Variants in PRKN observed in about 807,000 individuals in gnomAD.
The protein encoded by PRKN is E3 ubiquitin-protein ligase parkin.
In PRKN, 56 loss-of-function variants were observed where a neutral mutation model predicts 59.5. That is an observed-to-expected ratio of 0.94 (90% confidence interval 0.76 to 1.18). The LOEUF (loss-of-function observed/expected upper bound fraction) is 1.18. PRKN is among the 50% of genes most tolerant of loss of function. The pLI is 0.00. For synonymous variants in PRKN, 250 were observed against 222.1 expected, an observed-to-expected ratio of 1.13 and a Z score of -1.12; for missense variants, 657 against 596.4, an observed-to-expected ratio of 1.10 and a Z score of -1.06.
At chr6:161,872,494 T>G (rs558104136) in intron 6 of PRKN, among the ~76,000 whole-genome samples, 12 of 152,272 alleles carry the variant, frequency 7.9e-5, no homozygotes, top group African/African-American at 2.6e-4. Context: ...CAGACATACC[T>G]CATAGCCAGC....
intron 2 of PRKN, among the ~76,000 whole-genome samples, chr6:162,337,149 A>G (rs551057159): frequency 6.6e-6 from 1 of 152,198 alleles, no homozygotes; most frequent in Non-Finnish European, 1.5e-5. Context: ...CTTGAAAATA[A>G]CCACTTTTAG....
rs187027121 is a variant in PRKN at position 161,554,687 on chromosome 6, T to C, written c.934-5684A>G. On this transcript the variant is annotated intron_variant, in intron 8 of 11. Transcript: ENST00000366898. This position sits in a 1 kb window ranked among gnomAD's most constrained non-coding sequence, Gnocchi z 4.5. The stretch of plus-strand genomic sequence containing the variant: ...TCTTACAGTATACATATAAGGAATA[T>C]ACAATCCTGATATACATACAGGGAT... Among the ~76,000 whole-genome samples, 1,175 of 151,012 alleles carry C rather than the reference T, an allele frequency of 7.8e-3. 24 individuals are homozygous for C. The highest frequency in any genetic ancestry group is 0.027 in the African/African-American group (1,128 of 41,120).
At chr6:162,542,824 C>A (rs1258628918) in intron 1 of PRKN, among the ~76,000 whole-genome samples, 1 of 152,172 alleles carries the variant, frequency 6.6e-6, no homozygotes, top group Non-Finnish European at 1.5e-5. Context: ...GCACAGCACT[C>A]GCGCAAACCC....
intron 5 of PRKN, among the ~76,000 whole-genome samples, chr6:162,009,904 C>T (rs556109302): frequency 7.3e-5 from 11 of 151,566 alleles, no homozygotes; most frequent in Non-Finnish European, 1.5e-4. Context: ...CCACTGCACT[C>T]CAGCCTGGGT....
At chr6:162,292,729 A>AACCCACCT (rs1781497166) in intron 2 of PRKN, among the ~76,000 whole-genome samples, 1 of 152,062 alleles carries the variant, frequency 6.6e-6, no homozygotes, top group Non-Finnish European at 1.5e-5. Flanking sequence ...TGCCTTCCTT[A>AACCCACCT]GACCCACCAG....
rs1475375796 is a variant in PRKN at position 161,530,012 on chromosome 6, C to A, written c.1083+18842G>T. On this transcript the variant is annotated intron_variant, in intron 9 of 11. Coordinates refer to ENST00000366898, the MANE Select transcript of PRKN (RefSeq NM_004562.3). The surrounding 1 kb of genome is among the most constrained non-coding windows in gnomAD (Gnocchi z 5.0). ...TATAAAAACAACAGAGCAGCAAAAG[C>A]ATTTTACTTAAGAAGCATTTAAAAA... 5.3e-5 allele frequency among the ~76,000 whole-genome samples: 8 copies of A among 151,542 alleles called. No homozygotes were observed. The highest frequency in any genetic ancestry group is 1.9e-4 in the African/African-American group (8 of 41,096).
At chr6:162,110,835 C>A (rs921587628) in intron 4 of PRKN, among the ~76,000 whole-genome samples, 1 of 152,146 alleles carries the variant, frequency 6.6e-6, no homozygotes, top group Non-Finnish European at 1.5e-5. Context: ...TACACACCCT[C>A]TAGGAAACGG....
chr6:162,410,180 TGA>T (rs1788281465), intron 2 of PRKN, among the ~76,000 whole-genome samples: 1 of 150,606 alleles, frequency 6.6e-6, no homozygotes, highest in Admixed American at 6.6e-5. Context: ...CTGCTCCTGC[TGA>T]GAGACTTGCA....
chr6:161,911,016 T>C (rs1583334705), intron 6 of PRKN, among the ~76,000 whole-genome samples: 1 of 152,354 alleles, frequency 6.6e-6, no homozygotes, highest in Admixed American at 6.5e-5. Flanking sequence ...ACTGTGGACT[T>C]GCTTTACTGT....
rs1418509873 is a variant in PRKN at position 161,531,153 on chromosome 6, G to A, written c.1083+17701C>T. Among the ~76,000 whole-genome samples, 3 of 151,988 alleles carry A rather than the reference G, an allele frequency of 2.0e-5. 1 individual carries two copies. Among genetic ancestry groups the A allele is most frequent in the South Asian group, 4.2e-4 (2 of 4,792 alleles). ...TCCCAGCATTTTGGGAGGCTGAGGC[G>A]GGCAGATCACGAGGTCAGGAGATCG... On this transcript the variant is annotated intron_variant, in intron 9 of 11. Coordinates refer to ENST00000366898, the MANE Select transcript of PRKN (RefSeq NM_004562.3).
chr6:161,662,397 G>A (rs551512552), intron 7 of PRKN, among the ~76,000 whole-genome samples: 6 of 152,216 alleles, frequency 3.9e-5, no homozygotes, highest in South Asian at 2.1e-4. Flanking sequence ...TTGTTGTTTC[G>A]AGGGATGGTG....
At chr6:161,820,946 A>G (rs539877850) in intron 6 of PRKN, among the ~76,000 whole-genome samples, 19 of 151,772 alleles carry the variant, frequency 1.3e-4, no homozygotes, top group African/African-American at 4.1e-4. Context: ...CAATACAAAA[A>G]CTCTCTGTAC....
At chr6:162,721,022 A>AGG (rs1778922867) in intron 1 of PRKN, among the ~76,000 whole-genome samples, 1 of 152,254 alleles carries the variant, frequency 6.6e-6, no homozygotes, top group Non-Finnish European at 1.5e-5. Flanking sequence ...TACAAAAATA[A>AGG]GAACTTTTTA....
At chr6:161,908,988 A>G (rs1778253833) in intron 6 of PRKN, among the ~76,000 whole-genome samples, 1 of 152,208 alleles carries the variant, frequency 6.6e-6, no homozygotes, top group Non-Finnish European at 1.5e-5. Flanking sequence ...AAATAAATTG[A>G]AGAGAGGCCT....
chr6:162,441,965 G>C (rs530708058), intron 2 of PRKN, among the ~76,000 whole-genome samples: 125 of 151,892 alleles, frequency 8.2e-4, no homozygotes, highest in African/African-American at 2.9e-3. Flanking sequence ...CTTGGATTTA[G>C]AGGTTGGCAG....
Position 161,646,510 on chromosome 6 carries a change from A to G in PRKN, c.872-77094T>C, listed in dbSNP as rs796761298. On this transcript the variant is annotated intron_variant, in intron 7 of 11. Coordinates refer to ENST00000366898, the MANE Select transcript of PRKN (RefSeq NM_004562.3). ...GCATGCGTGGTGGAGGAGGTGGCGT[A>G]TGAGTGACAGTGGTGACTGCGTGTG... Among the ~76,000 whole-genome samples, 4 of 87,780 alleles carry G rather than the reference A, an allele frequency of 4.6e-5. 1 individual carries two copies. The highest frequency in any genetic ancestry group is 1.1e-4 in the Non-Finnish European group (4 of 34,994). The allele number at this position is 87,780 out of a possible 152,430, so 57.6% of individuals were successfully genotyped here.
At chr6:161,927,400 C>T (rs75030472) in intron 6 of PRKN, among the ~76,000 whole-genome samples, 7,604 of 152,096 alleles carry the variant, frequency 0.05, 255 homozygotes, top group South Asian at 0.15. Flanking sequence ...AAGAGGAATA[C>T]AAACACTACA....
chr6:161,789,367 C>T (rs533228718), intron 6 of PRKN, among the ~76,000 whole-genome samples: 2 of 152,246 alleles, frequency 1.3e-5, no homozygotes, highest in South Asian at 4.1e-4. Context: ...CTGCCCCTCC[C>T]CTACCGTCCA....
intron 7 of PRKN, among the ~76,000 whole-genome samples, chr6:161,644,039 T>C (rs1562578959): frequency 6.6e-6 from 1 of 152,334 alleles, no homozygotes; most frequent in Non-Finnish European, 1.5e-5. Flanking sequence ...TAGCTGCTTC[T>C]TGTGACAACT....
Sources: gnomAD v4.1 joint callset for allele counts (sites outside exome capture counted in the v4.1 genomes callset) on GRCh38, gnomAD v4.1.1 for gene constraint, Gnocchi (gnomAD v3.1) non-coding constraint, MANE v1.5 for transcripts, NCBI Gene and HGNC (gene_info 2026-07-23, HGNC 2026-07-21) for gene names.